The following TOM1 variants were observed in gnomAD, a reference collection of about 807,000 sequenced individuals.
The protein encoded by TOM1 is target of Myb protein 1.
TOM1 carries 38 observed loss-of-function variants against 61.3 expected under a neutral mutation model. That is an observed-to-expected ratio of 0.62 (90% CI 0.48 to 0.81). TOM1 has a LOEUF of 0.81. Ranked by LOEUF, TOM1 falls within the 40% of genes least tolerant of loss-of-function variation. The probability of loss-of-function intolerance (pLI) is 0.00; values close to 1 mark genes in which losing one functional copy is unlikely to be tolerated. For synonymous variants in TOM1, 270 were observed against 268.8 expected (o/e 1.00, Z -0.04); for missense variants, 591 against 659.6 (o/e 0.90, Z 1.14).
chr22:35,304,222 GAATT>G (rs1926108455), intron 1 of TOM1, among the ~76,000 whole-genome samples: 1 of 152,066 alleles, frequency 6.6e-6, no homozygotes, highest in Non-Finnish European at 1.5e-5. Flanking sequence ...TGCTTCTTTT[GAATT>G]GATGTCTGTC....
chr22:35,300,553 C>T (rs909405202), intron 1 of TOM1, among the ~76,000 whole-genome samples: 2 of 152,250 alleles, frequency 1.3e-5, no homozygotes, highest in Non-Finnish European at 2.9e-5. Flanking sequence ...CTTTTCTCGA[C>T]CCAACCTCAA....
At chr22:35,324,222 G>A (rs932885136) in intron 6 of TOM1, among the ~76,000 whole-genome samples, 3 of 152,156 alleles carry the variant, frequency 2.0e-5, no homozygotes, top group African/African-American at 7.2e-5. Flanking sequence ...ACAGCACCAT[G>A]GAGAGGTGTC....
rs1035123344 is a variant in TOM1 at position 35,322,865 on chromosome 22, T to C, written c.217-163T>C. 5.9e-6 allele frequency: 5 copies of C among 846,228 alleles called. No individual in the cohort carries two copies. The Admixed American group carries it at 1.5e-4, about 25-fold the overall frequency. 52.4% of individuals were successfully genotyped at this position (846,228 alleles called of 1,614,324 possible). On this transcript the variant is annotated intron_variant, in intron 3 of 14. Coordinates refer to ENST00000449058, the MANE Select transcript of TOM1 (RefSeq NM_005488.3). ...CTCCAGTAAACAAGTCCCCCAGTCC[T>C]GGCATTGTCCCAGTCCTCCACATTC...
Position 35,323,385 on chromosome 22 carries a change from TAA to T in TOM1, c.367-97_367-96del, listed in dbSNP as rs77565301. On this transcript the variant is annotated intron_variant, in intron 4 of 14. Transcript: ENST00000449058. The surrounding 1 kb of genome is among the most constrained non-coding windows in gnomAD (Gnocchi z 4.2). The stretch of plus-strand genomic sequence containing the variant: ...GTGGAGTGGGCAGGGCAGATGTAGT[TAA>T]AAAAAAAAAAAAAGCAGGGAAAGAA... 0.02 allele frequency: 25,055 copies of T among 1,244,164 alleles called. No individual in the cohort carries two copies. The highest frequency in any genetic ancestry group is 0.025 in the South Asian group (1,694 of 66,772). 77.1% of individuals were successfully genotyped at this position (1,244,164 alleles called of 1,614,324 possible).
intron 1 of TOM1, among the ~76,000 whole-genome samples, chr22:35,312,525 C>T (rs1926923231): frequency 6.6e-6 from 1 of 152,264 alleles, no homozygotes; most frequent in African/African-American, 2.4e-5. Context: ...AACCAGACTT[C>T]TCTGGCTTTG....
chr22:35,318,612 G>A (rs966385569), intron 2 of TOM1, among the ~76,000 whole-genome samples: 9 of 152,206 alleles, frequency 5.9e-5, no homozygotes, highest in South Asian at 2.1e-4. Context: ...TGTGACCTTC[G>A]GAAGTCACTT....
intron 7 of TOM1, among the ~76,000 whole-genome samples, 171 bp downstream of exon 7, chr22:35,327,558 C>G (rs1010833412): frequency 1.3e-5 from 2 of 152,172 alleles, no homozygotes; most frequent in Admixed American, 1.3e-4. Context: ...GGAATCAGAT[C>G]GCAGCTCTAC....
At chr22:35,332,355 T>C (rs1402640655) in intron 8 of TOM1, among the ~76,000 whole-genome samples, 2 of 152,160 alleles carry the variant, frequency 1.3e-5, no homozygotes, top group African/African-American at 2.4e-5. Flanking sequence ...ACCCATGTCC[T>C]AATTTGGGCT....
Position 35,332,988 on chromosome 22 carries a change from C to T in TOM1, c.907C>T (p.Arg303Trp), listed in dbSNP as rs377171728. The T allele has an allele frequency of 2.0e-5, 32 of 1,614,030 alleles. No individual in the cohort carries two copies. Among genetic ancestry groups the T allele is most frequent in the Admixed American group, 1.2e-4 (7 of 60,006 alleles). The change falls in exon 9 of 15, where the codon CGG becomes TGG. Residue 303 changes from arginine to tryptophan, a missense_variant. Coordinates refer to ENST00000449058, the MANE Select transcript of TOM1 (RefSeq NM_005488.3). Reference protein sequence around the residue: ...NVFLRHERFERFRTGQTTKAP... With the variant: ...NVFLRHERFEWFRTGQTTKAP... ...GTCTTTTCTGTCTTGTAGGTTTGAA[C>T]GGTTCCGAACAGGCCAGACCACCAA...
chr22:35,325,628 C>G (rs1928241662), intron 6 of TOM1, among the ~76,000 whole-genome samples: 1 of 152,178 alleles, frequency 6.6e-6, no homozygotes, highest in Non-Finnish European at 1.5e-5. Flanking sequence ...TGAGTGCTGA[C>G]AGCGAGCTGC....
At chr22:35,329,700 T>G (rs1220528734) in intron 7 of TOM1, among the ~76,000 whole-genome samples, 1 of 152,220 alleles carries the variant, frequency 6.6e-6, no homozygotes, top group Admixed American at 6.5e-5. Flanking sequence ...GAAGTTGTGG[T>G]TTGTTCAGCC....
chr22:35,327,921 G>T (rs1263854296), intron 7 of TOM1, among the ~76,000 whole-genome samples: 1 of 152,132 alleles, frequency 6.6e-6, no homozygotes, highest in Non-Finnish European at 1.5e-5. Context: ...GCCCAGATTG[G>T]GGGTCACTGG....
intron 3 of TOM1, 159 bp from the exon 4 acceptor site, chr22:35,322,869 A>G (rs1294679107): frequency 1.1e-6 from 1 of 870,894 alleles, no homozygotes; most frequent in African/African-American, 1.7e-5. Flanking sequence ...CAGTCCTGGC[A>G]TTGTCCCAGT....
At chr22:35,306,970 A>G (rs1926378714) in intron 1 of TOM1, among the ~76,000 whole-genome samples, 1 of 151,980 alleles carries the variant, frequency 6.6e-6, no homozygotes, top group South Asian at 2.1e-4. Flanking sequence ...AATAGGTTTT[A>G]TTCCCTTAGT....
chr22:35,333,078 C>G, intron 9 of TOM1, 64 bp downstream of exon 9: 1 of 1,530,632 alleles, frequency 6.5e-7, no homozygotes, highest in Non-Finnish European at 9.1e-7. Flanking sequence ...GTGCCATTCT[C>G]ACCTCCCTCC....
Position 35,327,334 on chromosome 22 carries a change from C to A in TOM1, c.712C>A (p.Leu238Met). The A allele has an allele frequency of 6.2e-7, 1 of 1,613,888 alleles. No homozygotes were observed. Among genetic ancestry groups the A allele is most frequent in the African/African-American group, 1.3e-5 (1 of 74,918 alleles). The change falls in exon 7 of 15, where the codon CTG becomes ATG. Residue 238 changes from leucine to methionine, a missense_variant. Coordinates refer to ENST00000449058, the MANE Select transcript of TOM1 (RefSeq NM_005488.3). ...GAACGTGAGGGTGATGTCGGAGATG[C>A]TGACGGAGCTGGTGCCCACCCAGGC... ...SGNVRVMSEMLTELVPTQAEP... is the reference protein window; with the variant it reads ...SGNVRVMSEMMTELVPTQAEP...
intron 2 of TOM1, among the ~76,000 whole-genome samples, chr22:35,321,414 C>T (rs756617322): frequency 7.9e-5 from 12 of 151,370 alleles, no homozygotes; most frequent in African/African-American, 1.2e-4. Context: ...AGTACAGTGG[C>T]GCAATCTCGG....
intron 12 of TOM1, chr22:35,344,484 T>C (rs1019366985): frequency 2.0e-5 from 3 of 152,244 alleles, no homozygotes; most frequent in Non-Finnish European, 4.4e-5. Flanking sequence ...CGGTTCCTGC[T>C]CTTGAGTCTC....
chr22:35,319,848 T>C (rs2145647606), intron 2 of TOM1, among the ~76,000 whole-genome samples: 1 of 152,280 alleles, frequency 6.6e-6, no homozygotes, highest in East Asian at 1.9e-4. Context: ...CACCATCCCT[T>C]TCCCCACCGT....
Sources: gnomAD v4.1 joint callset for allele counts (sites outside exome capture counted in the v4.1 genomes callset) on GRCh38, gnomAD v4.1.1 for gene constraint, Gnocchi (gnomAD v3.1) non-coding constraint, MANE v1.5 for transcripts, NCBI Gene and HGNC (gene_info 2026-07-23, HGNC 2026-07-21) for gene names.